KIF26B: variants seen among roughly 807,000 people sequenced by gnomAD.
The protein encoded by KIF26B is kinesin family member 26B.
A neutral mutation model predicts 151.2 loss-of-function variants in KIF26B; 63 were observed. The ratio of observed to expected loss-of-function variants is 0.42; its 90% CI spans 0.34 to 0.51. The LOEUF (loss-of-function observed/expected upper bound fraction) is 0.51. KIF26B is among the 20% of genes least tolerant of loss of function. The probability of loss-of-function intolerance (pLI) is 0.07; values close to 1 mark genes in which losing one functional copy is unlikely to be tolerated. For missense variants in KIF26B, 2,813 were observed against 2,913.6 expected (o/e 0.97, Z 0.79); for synonymous variants, 1,357 against 1,262.1 (o/e 1.08, Z -1.59).
chr1:245,674,195 C>G (rs1361063639), intron 10 of KIF26B, among the ~76,000 whole-genome samples: 1 of 152,180 alleles, frequency 6.6e-6, no homozygotes, highest in Admixed American at 6.5e-5. Context: ...ACCAGTAAAG[C>G]TGGTCACAGA....
At chr1:245,500,770 C>A (rs1268575059) in intron 4 of KIF26B, among the ~76,000 whole-genome samples, 1 of 152,192 alleles carries the variant, frequency 6.6e-6, no homozygotes, top group Non-Finnish European at 1.5e-5. Flanking sequence ...CAGGGGCCTC[C>A]TGATGGCGAG....
At chr1:245,543,675 C>T (rs757979961) in intron 5 of KIF26B, among the ~76,000 whole-genome samples, 16 of 152,156 alleles carry the variant, frequency 1.1e-4, no homozygotes, top group Non-Finnish European at 1.9e-4. Context: ...GTTGGCTGGG[C>T]GCGGTGGCTC....
intron 6 of KIF26B, among the ~76,000 whole-genome samples, chr1:245,603,667 G>A (rs1050640229): frequency 5.9e-5 from 9 of 152,150 alleles, no homozygotes; most frequent in Admixed American, 4.6e-4. Flanking sequence ...GCTAGCTTGG[G>A]CTAGTTCTCA....
rs920289356 is a variant in KIF26B, at chr1:245,512,102, A to T, written c.1167-28665A>T. Among the ~76,000 whole-genome samples the T allele has an allele frequency of 1.9e-4, 29 of 152,168 alleles. No homozygotes were observed. The highest frequency in any genetic ancestry group is 5.1e-4 in the African/African-American group (21 of 41,442). On this transcript the variant is annotated intron_variant, in intron 4 of 14. Transcript: ENST00000407071. The surrounding 1 kb of genome is among the most constrained non-coding windows in gnomAD (Gnocchi z 4.3). ...TTTTTATGGTCATTTGCAACTTTTTAAAAAAAGTCCATACGGTAATGTTAA... is the reference window on the plus strand; with the variant it reads ...TTTTTATGGTCATTTGCAACTTTTTTAAAAAAGTCCATACGGTAATGTTAA...
chr1:245,211,878 G>A (rs1669541017), intron 2 of KIF26B, among the ~76,000 whole-genome samples: 1 of 152,144 alleles, frequency 6.6e-6, no homozygotes, highest in Non-Finnish European at 1.5e-5. Flanking sequence ...TGCTGGCACC[G>A]CACCGTATCA....
intron 5 of KIF26B, among the ~76,000 whole-genome samples, chr1:245,599,975 C>T (rs893375232): frequency 6.6e-6 from 1 of 151,862 alleles, no homozygotes; most frequent in Non-Finnish European, 1.5e-5. Context: ...GGGAATCCCC[C>T]ACAGTATCCT....
intron 3 of KIF26B, among the ~76,000 whole-genome samples, chr1:245,388,033 G>T (rs551411715): frequency 6.6e-6 from 1 of 152,130 alleles, no homozygotes; most frequent in African/African-American, 2.4e-5. Flanking sequence ...GAAAGTGAGC[G>T]GCAGAGTTGC....
chr1:245,360,871 G>C (rs987156523), intron 2 of KIF26B, among the ~76,000 whole-genome samples: 1 of 152,056 alleles, frequency 6.6e-6, no homozygotes, highest in East Asian at 1.9e-4. Flanking sequence ...AAAATTAGCC[G>C]GGTGTGGCGG....
At chr1:245,424,731 A>G (rs1658578869) in intron 4 of KIF26B, among the ~76,000 whole-genome samples, 1 of 151,858 alleles carries the variant, frequency 6.6e-6, no homozygotes, top group South Asian at 2.1e-4. Context: ...ATCTAAGAAT[A>G]AAAAATCGGG....
At chr1:245,365,227 A>T (rs1393062037) in intron 2 of KIF26B, among the ~76,000 whole-genome samples, 1 of 152,082 alleles carries the variant, frequency 6.6e-6, no homozygotes, top group Non-Finnish European at 1.5e-5. Flanking sequence ...GACAGGCCTC[A>T]TATGGTTTGC....
chr1:245,671,003 C>A (rs1189836157), intron 10 of KIF26B, among the ~76,000 whole-genome samples: 1 of 152,186 alleles, frequency 6.6e-6, no homozygotes, highest in South Asian at 2.1e-4. Flanking sequence ...TCTCCCAATA[C>A]CTTTCCCAGC....
In KIF26B at chr1:245,526,837, A is replaced by G. The variant is rs537932008; in HGVS notation, c.1167-13930A>G. On this transcript the variant is annotated intron_variant, in intron 4 of 14. Transcript: ENST00000407071. ...TCATGTCCGTTTTTAATTTCACACA[A>G]TTGAAATATGGGAAAAGTGAAAATA... Among the ~76,000 whole-genome samples, 23 of 152,364 alleles carry G rather than the reference A, an allele frequency of 1.5e-4. No homozygotes were observed. In the South Asian group the frequency reaches 4.8e-3, roughly 32 times the overall value.
chr1:245,319,761 G>A (rs1323197763), intron 2 of KIF26B, among the ~76,000 whole-genome samples: 1 of 152,104 alleles, frequency 6.6e-6, no homozygotes, highest in African/African-American at 2.4e-5. Context: ...GAAATCTCTG[G>A]TCTCTTTCTA....
In KIF26B at chr1:245,241,193, G is replaced by A. The variant is rs551087039; in HGVS notation, c.465+84510G>A. Among the ~76,000 whole-genome samples, 30 of 152,240 alleles carry A rather than the reference G, an allele frequency of 2.0e-4. No individual in the cohort carries two copies. The highest frequency in any genetic ancestry group is 3.7e-4 in the Non-Finnish European group (25 of 68,044). On this transcript the variant is annotated intron_variant, in intron 2 of 14. Coordinates refer to ENST00000407071, the MANE Select transcript of KIF26B (RefSeq NM_018012.4). This position sits in a 1 kb window ranked among gnomAD's most constrained non-coding sequence, Gnocchi z 5.0. ...GTGCAGCTCTGAAGGATTTAGAGGTGTCATTCCCAGAGATTAGCAGGGACC... is the reference window on the plus strand; with the variant it reads ...GTGCAGCTCTGAAGGATTTAGAGGTATCATTCCCAGAGATTAGCAGGGACC...
chr1:245,198,726 CA>C (rs543858366), intron 2 of KIF26B, among the ~76,000 whole-genome samples: 7,835 of 97,692 alleles, frequency 0.08, 291 homozygotes, highest in African/African-American at 0.16. Flanking sequence ...GACTCCGTCT[CA>C]AAAAAAAAAA....
chr1:245,343,607 G>A (rs115358258), intron 2 of KIF26B, among the ~76,000 whole-genome samples: 70 of 152,176 alleles, frequency 4.6e-4, no homozygotes, highest in Admixed American at 5.2e-4. Context: ...ACATTTAAAC[G>A]CAATTTTTCT....
intron 2 of KIF26B, among the ~76,000 whole-genome samples, chr1:245,225,809 G>T (rs565652910): frequency 1.8e-4 from 27 of 152,228 alleles, no homozygotes; most frequent in African/African-American, 6.5e-4. Flanking sequence ...GGATAAAAAG[G>T]CCCATAAAAA....
At chr1:245,685,088 G>A (rs916354941) in intron 11 of KIF26B, among the ~76,000 whole-genome samples, 1 of 152,240 alleles carries the variant, frequency 6.6e-6, no homozygotes, top group Non-Finnish European at 1.5e-5. Flanking sequence ...CTTAACCAGA[G>A]TTCCACGGCA....
chr1:245,550,631 T>C (rs1661859487), intron 5 of KIF26B, among the ~76,000 whole-genome samples: 1 of 152,174 alleles, frequency 6.6e-6, no homozygotes, highest in African/African-American at 2.4e-5. Flanking sequence ...TGCAGTGAGA[T>C]TGGTGCAGTC....
Sources: allele counts gnomAD v4.1 joint callset (sites outside exome capture counted in the v4.1 genomes callset), GRCh38; gene constraint gnomAD v4.1.1; non-coding constraint Gnocchi (gnomAD v3.1); transcripts MANE v1.5; gene names NCBI Gene and HGNC (gene_info 2026-07-23, HGNC 2026-07-21).